The following CDC14A variants were observed in gnomAD, a reference collection of about 807,000 sequenced individuals.
CDC14A encodes the protein dual specificity protein phosphatase CDC14A.
CDC14A carries 53 observed loss-of-function variants against 74.4 expected under a neutral mutation model. The observed-to-expected ratio is 0.71, with a 90% CI of 0.57 to 0.89. The LOEUF (loss-of-function observed/expected upper bound fraction) is 0.89. Among genes scored for constraint, CDC14A ranks in the 40% least tolerant of loss-of-function variants. The probability of loss-of-function intolerance (pLI) is 0.00; values close to 1 mark genes in which losing one functional copy is unlikely to be tolerated. For synonymous variants in CDC14A, 247 were observed against 258.4 expected (o/e 0.96, Z 0.43); for missense variants, 646 against 713.7 (o/e 0.91, Z 1.08).
rs1376349830 is a variant in CDC14A, at chr1:100,358,635, C to G, written c.140+4783C>G. ...GTTTTAGCATGTTAAGAATGAGCAG[C>G]CTCTAATGAGAACTAATTAGCTAAA... On this transcript the variant is annotated intron_variant, in intron 2 of 15. Coordinates refer to ENST00000336454, the MANE Select transcript of CDC14A (RefSeq NM_003672.4). Among the ~76,000 whole-genome samples the G allele has an allele frequency of 2.6e-5, 4 of 152,098 alleles. No homozygotes were observed. The East Asian group carries it at 7.7e-4, about 29-fold the overall frequency.
intron 10 of CDC14A, among the ~76,000 whole-genome samples, chr1:100,481,669 CT>C (rs1489999651): frequency 1.3e-5 from 2 of 152,204 alleles, no homozygotes; most frequent in Non-Finnish European, 2.9e-5. Context: ...GACCCCAGCA[CT>C]GGCTATACTT....
At chr1:100,402,363 T>G (rs1659378443) in intron 4 of CDC14A, among the ~76,000 whole-genome samples, 1 of 152,156 alleles carries the variant, frequency 6.6e-6, no homozygotes, top group South Asian at 2.1e-4. Context: ...CATGCAGAGC[T>G]ACAGGCTTCC....
intron 5 of CDC14A, among the ~76,000 whole-genome samples, chr1:100,434,947 A>G (rs549041643): frequency 8.8e-4 from 134 of 152,350 alleles, no homozygotes; most frequent in African/African-American, 3.0e-3. Context: ...CTCAAAATAC[A>G]TGCCTTTCTA....
chr1:100,491,623 G>C (rs1670706638), intron 11 of CDC14A, among the ~76,000 whole-genome samples: 1 of 127,712 alleles, frequency 7.8e-6, no homozygotes, highest in Non-Finnish European at 1.6e-5. Context: ...CCAAGCTGGA[G>C]TGCAGTGGTG....
At chr1:100,454,189 C>T (rs1336626374) in intron 7 of CDC14A, among the ~76,000 whole-genome samples, 1 of 151,588 alleles carries the variant, frequency 6.6e-6, no homozygotes, top group African/African-American at 2.4e-5. Flanking sequence ...TTATTGTGTT[C>T]TTATGGTAGA....
chr1:100,365,009 C>G (rs1036535311), intron 2 of CDC14A, among the ~76,000 whole-genome samples: 1 of 152,228 alleles, frequency 6.6e-6, no homozygotes, highest in Admixed American at 6.5e-5. Flanking sequence ...TGGTTCCTCA[C>G]CCTCTGGTGT....
intron 2 of CDC14A, among the ~76,000 whole-genome samples, chr1:100,371,795 A>G (rs558904325): frequency 6.6e-6 from 1 of 152,226 alleles, no homozygotes; most frequent in East Asian, 1.9e-4. Context: ...TAAAACTTCA[A>G]ATTCTACCAG....
chr1:100,483,034 A>G (rs1217076565), intron 10 of CDC14A, among the ~76,000 whole-genome samples: 1 of 152,124 alleles, frequency 6.6e-6, no homozygotes, highest in Admixed American at 6.5e-5. Flanking sequence ...GCTATTGTGA[A>G]TAGTGCTACA....
intron 5 of CDC14A, among the ~76,000 whole-genome samples, chr1:100,437,380 A>G (rs491675): frequency 0.69 from 104,717 of 152,012 alleles, 37,758 homozygotes; most frequent in African/African-American, 0.92. Flanking sequence ...AGTCTTTGGG[A>G]CAGATTTTGA....
At chr1:100,457,199 T>C (rs1263010344) in intron 8 of CDC14A, among the ~76,000 whole-genome samples, 1 of 152,232 alleles carries the variant, frequency 6.6e-6, no homozygotes, top group Non-Finnish European at 1.5e-5. Flanking sequence ...TTGAGAGATA[T>C]AATTGTAAAA....
intron 3 of CDC14A, among the ~76,000 whole-genome samples, chr1:100,378,627 C>G (rs113686476): frequency 5.3e-5 from 8 of 152,188 alleles, no homozygotes; most frequent in Non-Finnish European, 1.0e-4. Context: ...CCATTGATTT[C>G]AAAGTGAGAG....
At chr1:100,367,970 T>A (rs1653893274) in intron 2 of CDC14A, among the ~76,000 whole-genome samples, 1 of 152,222 alleles carries the variant, frequency 6.6e-6, no homozygotes. Flanking sequence ...TATTTTTCCA[T>A]TCTCTTATGT....
rs200941208 is a variant in CDC14A at position 100,424,286 on chromosome 1, C to A, written c.374C>A (p.Pro125His). Residue 125 changes from proline (P) to histidine (H), a missense_variant, in exon 5 of 16, where the codon CCC becomes CAC. Coordinates refer to ENST00000336454, the MANE Select transcript of CDC14A (RefSeq NM_003672.4). ...GCACTCCTGTCTGGCTCAAACCCCCCCTATCTTCCATTCAGGTATAACTCC... is the reference window on the plus strand; with the variant it reads ...GCACTCCTGTCTGGCTCAAACCCCCACTATCTTCCATTCAGGTATAACTCC... ...YRALLSGSNP[P>H]YLPFRDASFG... is the part of the protein sequence containing the mutation. 2.4e-5 allele frequency: 38 copies of A among 1,613,214 alleles called. No individual in the cohort carries two copies. Among genetic ancestry groups the A allele is most frequent in the Admixed American group, 3.3e-5 (2 of 60,010 alleles).
At chr1:100,396,495 G>A (rs553802905) in intron 4 of CDC14A, among the ~76,000 whole-genome samples, 10 of 152,342 alleles carry the variant, frequency 6.6e-5, no homozygotes, top group East Asian at 1.9e-4. Context: ...GAAGTTGGAC[G>A]TAAGGTATAA....
At chr1:100,412,015 A>C (rs1373752865) in intron 4 of CDC14A, among the ~76,000 whole-genome samples, 8 of 152,246 alleles carry the variant, frequency 5.3e-5, no homozygotes, top group Non-Finnish European at 1.2e-4. Context: ...CTGAGGAACC[A>C]AGACAAAGCT....
chr1:100,403,308 A>C (rs1659517455), intron 4 of CDC14A, among the ~76,000 whole-genome samples: 1 of 152,190 alleles, frequency 6.6e-6, no homozygotes, highest in Non-Finnish European at 1.5e-5. Flanking sequence ...ATTTTATTTA[A>C]AATATGTCTT....
At chr1:100,429,065 A>G (rs1213383849) in intron 5 of CDC14A, among the ~76,000 whole-genome samples, 1 of 151,946 alleles carries the variant, frequency 6.6e-6, no homozygotes, top group Non-Finnish European at 1.5e-5. Context: ...GTAGCCAGCC[A>G]TGGTGGCATG....
At chr1:100,400,615 G>T (rs1659128010) in intron 4 of CDC14A, among the ~76,000 whole-genome samples, 1 of 152,114 alleles carries the variant, frequency 6.6e-6, no homozygotes, top group South Asian at 2.1e-4. Flanking sequence ...GCCTGTAAAT[G>T]GGCCAGTCTT....
chr1:100,380,811 C>A (rs1471159405), intron 3 of CDC14A, among the ~76,000 whole-genome samples: 1 of 152,212 alleles, frequency 6.6e-6, no homozygotes, highest in African/African-American at 2.4e-5. Context: ...CCCAGCCTTG[C>A]ACTTTACTCT....
Sources: gnomAD v4.1 joint callset for allele counts (sites outside exome capture counted in the v4.1 genomes callset) on GRCh38, gnomAD v4.1.1 for gene constraint, MANE v1.5 for transcripts, NCBI Gene and HGNC (gene_info 2026-07-23, HGNC 2026-07-21) for gene names.